Variants in WDFY3 observed in about 807,000 individuals in gnomAD.
The protein encoded by WDFY3 is WD repeat and FYVE domain containing 3, also known as WD repeat and FYVE domain-containing protein 3.
Under a neutral mutation model 409.6 loss-of-function variants are expected in WDFY3, and 66 were observed. The ratio of observed to expected loss-of-function variants is 0.16; its 90% confidence interval spans 0.13 to 0.20. The LOEUF (loss-of-function observed/expected upper bound fraction) is 0.20. Among genes scored for constraint, WDFY3 ranks in the 10% least tolerant of loss-of-function variants. The pLI is 1.00. For synonymous variants in WDFY3, 1,521 were observed against 1,537.1 expected, an observed-to-expected ratio of 0.99 and a Z score of 0.25; for missense variants, 3,031 against 4,298.1, an observed-to-expected ratio of 0.71 and a Z score of 8.24.
intron 1 of WDFY3, among the ~76,000 whole-genome samples, chr4:84,954,944 C>T (rs1205212427): frequency 1.1e-4 from 16 of 152,140 alleles, no homozygotes. Context: ...GTGGCTCGCT[C>T]CTGTAATTTT....
intron 34 of WDFY3, among the ~76,000 whole-genome samples, chr4:84,754,509 T>C (rs1578374692): frequency 2.0e-5 from 3 of 152,334 alleles, no homozygotes; most frequent in African/African-American, 7.2e-5. Flanking sequence ...AACAATAGTT[T>C]TGACTGAAAT....
At chr4:84,679,737 C>T (rs1458630835) in intron 64 of WDFY3, among the ~76,000 whole-genome samples, 1 of 151,846 alleles carries the variant, frequency 6.6e-6, no homozygotes, top group Non-Finnish European at 1.5e-5. Context: ...AAGTATTCTC[C>T]CCCTTTTCTG....
chr4:84,678,436 A>C (rs543530515), intron 65 of WDFY3, among the ~76,000 whole-genome samples, 157 bp from the exon 66 acceptor site: 53 of 152,346 alleles, frequency 3.5e-4, no homozygotes, highest in African/African-American at 1.3e-3. Context: ...GGTTGAAAGT[A>C]AAGCTACCTA....
At chr4:84,810,845 T>C (rs573517767) in intron 13 of WDFY3, among the ~76,000 whole-genome samples, 11 of 152,190 alleles carry the variant, frequency 7.2e-5, no homozygotes, top group Non-Finnish European at 1.3e-4. Context: ...AGAAGACTTA[T>C]TAAACATTCT....
In WDFY3 at chr4:84,744,080, T is replaced by C. The variant is rs1484931692; in HGVS notation, c.5974-281A>G. ...AAACATTATATTTATTATATTGTTA[T>C]AGTTTATATTATATAATATATAGTA... On this transcript the variant is annotated intron_variant, in intron 36 of 67. Transcript: ENST00000295888. Among the ~76,000 whole-genome samples the C allele has an allele frequency of 2.7e-5, 4 of 148,058 alleles. No homozygotes were observed. In the East Asian group the frequency reaches 5.8e-4, roughly 22 times the overall value.
At chr4:84,883,431 T>C (rs1763802328) in intron 3 of WDFY3, among the ~76,000 whole-genome samples, 1 of 152,210 alleles carries the variant, frequency 6.6e-6, no homozygotes, top group Non-Finnish European at 1.5e-5. Flanking sequence ...ATATTTTTCT[T>C]GGTAAGTCTC....
rs137916691 is a variant in WDFY3, at chr4:84,788,267, A to G, written c.3670-554T>C. On this transcript the variant is annotated intron_variant, in intron 22 of 67. Transcript: ENST00000295888. Reference sequence around the variant, plus strand: ...CACTTCCATTAACTGCTGTGTCATAATAACATCTCAGCTTCAGATCCTATT... The same window carrying G: ...CACTTCCATTAACTGCTGTGTCATAGTAACATCTCAGCTTCAGATCCTATT... Among the ~76,000 whole-genome samples, 579 of 152,322 alleles carry G rather than the reference A, an allele frequency of 3.8e-3. 2 individuals carry two copies. The highest frequency in any genetic ancestry group is 0.013 in the African/African-American group (548 of 41,564).
At chr4:84,783,168 CTT>C in intron 24 of WDFY3, 94 bp from the exon 25 acceptor site, 1 of 1,105,576 alleles carries the variant, frequency 9.0e-7, no homozygotes, top group Non-Finnish European at 1.3e-6. Context: ...GGTAACATAT[CTT>C]TTCTCTCCTC....
chr4:84,711,787 G>C (rs1732944409), intron 51 of WDFY3, among the ~76,000 whole-genome samples: 1 of 151,714 alleles, frequency 6.6e-6, no homozygotes, highest in African/African-American at 2.4e-5. Flanking sequence ...GGACGCGGAG[G>C]CTGCAGTGAA....
At chr4:84,830,812 GAGA>G (rs1361366758) in intron 8 of WDFY3, among the ~76,000 whole-genome samples, 7 of 152,284 alleles carry the variant, frequency 4.6e-5, no homozygotes, top group African/African-American at 1.2e-4. Context: ...TAAAAGAAGA[GAGA>G]AGAATAGGCT....
chr4:84,885,330 A>G (rs1055348734), intron 3 of WDFY3, among the ~76,000 whole-genome samples: 21 of 145,656 alleles, frequency 1.4e-4, no homozygotes, highest in East Asian at 1.4e-3. Flanking sequence ...ACATATACAT[A>G]TGTGTGTGTG....
chr4:84,953,758 C>T (rs553173102), intron 1 of WDFY3, among the ~76,000 whole-genome samples: 5 of 151,908 alleles, frequency 3.3e-5, no homozygotes, highest in Non-Finnish European at 5.9e-5. Context: ...CCCCAAGAAA[C>T]CTGTTCTGAT....
chr4:84,876,883 C>CG (rs1319680803), intron 3 of WDFY3, among the ~76,000 whole-genome samples: 1 of 152,112 alleles, frequency 6.6e-6, no homozygotes, highest in Non-Finnish European at 1.5e-5. Context: ...GGACATCTTA[C>CG]GTATCTCCTG....
chr4:84,805,672 T>A (rs527323397), intron 15 of WDFY3, among the ~76,000 whole-genome samples: 1 of 152,324 alleles, frequency 6.6e-6, no homozygotes, highest in East Asian at 1.9e-4. Flanking sequence ...TTCATCTACC[T>A]CTTTTGGGAA....
In WDFY3 at chr4:84,734,704, C is replaced by T. The variant is rs954179520; in HGVS notation, c.6993+339G>A. ...CTTGGATGCGTATTTTCACAATCTC[C>T]TTGTTAAAAGCCTGAAAAAGAAGGC... On this transcript the variant is annotated intron_variant, in intron 43 of 67. Transcript: ENST00000295888. Among the ~76,000 whole-genome samples, 4 of 152,098 alleles carry T rather than the reference C, an allele frequency of 2.6e-5. No individual in the cohort carries two copies. The South Asian group carries it at 6.2e-4, about 24-fold the overall frequency.
intron 1 of WDFY3, among the ~76,000 whole-genome samples, chr4:84,962,862 C>T (rs1400305405): frequency 2.6e-5 from 4 of 151,620 alleles, no homozygotes; most frequent in Non-Finnish European, 5.9e-5. Flanking sequence ...TTAGTAGACA[C>T]GGGGATTCAC....
chr4:84,848,945 T>C (rs144535576), intron 5 of WDFY3, among the ~76,000 whole-genome samples: 57 of 152,268 alleles, frequency 3.7e-4, no homozygotes, highest in Middle Eastern at 6.8e-3. Flanking sequence ...GCTGAAAGGT[T>C]GTCAGGCTAA....
At chr4:84,674,190 A>T (rs1169414140) in intron 67 of WDFY3, among the ~76,000 whole-genome samples, 4 of 152,242 alleles carry the variant, frequency 2.6e-5, no homozygotes, top group African/African-American at 4.8e-5. Context: ...TTAAAGAATT[A>T]CCTATATTTA....
At chr4:84,744,084 TTA>T (rs1386747997) in intron 36 of WDFY3, among the ~76,000 whole-genome samples, 1 of 147,966 alleles carries the variant, frequency 6.8e-6, no homozygotes, top group African/African-American at 2.4e-5. Flanking sequence ...TTGTTATAGT[TTA>T]TATTATATAA....
Sources: allele counts gnomAD v4.1 joint callset (sites outside exome capture counted in the v4.1 genomes callset), GRCh38; gene constraint gnomAD v4.1.1; transcripts MANE v1.5; gene names NCBI Gene and HGNC (gene_info 2026-07-23, HGNC 2026-07-21).